AKT3: variants seen among roughly 807,000 people sequenced by gnomAD.
AKT3 encodes RAC-gamma serine/threonine-protein kinase.
A neutral mutation model predicts 65.3 loss-of-function variants in AKT3; 15 were observed. That is an observed-to-expected ratio of 0.23 (90% CI 0.15 to 0.35). AKT3 has a LOEUF of 0.35. Ranked by LOEUF, AKT3 falls within the 10% of genes least tolerant of loss-of-function variation. The pLI, the probability that AKT3 is intolerant of heterozygous loss-of-function variation, is 1.00. For synonymous variants in AKT3, 206 were observed against 183.8 expected (o/e 1.12, Z -0.98); for missense variants, 243 against 576.5 (o/e 0.42, Z 5.92).
intron 4 of AKT3, among the ~76,000 whole-genome samples, chr1:243,661,311 T>C (rs991477356): frequency 1.1e-4 from 16 of 152,106 alleles, no homozygotes; most frequent in Admixed American, 2.6e-4. Flanking sequence ...CAAACTACAC[T>C]ACAAGGCTAC....
chr1:243,762,927 T>A (rs1009054293), intron 2 of AKT3, among the ~76,000 whole-genome samples: 4 of 152,056 alleles, frequency 2.6e-5, no homozygotes, highest in Non-Finnish European at 5.9e-5. Context: ...AGCAAAAAAT[T>A]GATATTTCTA....
chr1:243,699,566 C>T (rs1685309367), intron 2 of AKT3, among the ~76,000 whole-genome samples: 1 of 143,034 alleles, frequency 7.0e-6, no homozygotes. Context: ...GGAAGCTATA[C>T]CTATGTTGAA....
At chr1:243,648,885 T>TTC (rs1246537909) in intron 4 of AKT3, among the ~76,000 whole-genome samples, 1 of 152,138 alleles carries the variant, frequency 6.6e-6, no homozygotes, top group African/African-American at 2.4e-5. Flanking sequence ...TTATTAATTA[T>TTC]TCTCTACTAT....
At position 243,550,616 on chromosome 1, in the gene AKT3, C is replaced by T. The variant is rs373010406; in HGVS notation, c.1163+2113G>A. Among the ~76,000 whole-genome samples, 10 of 151,544 alleles carry T rather than the reference C, an allele frequency of 6.6e-5. No individual in the cohort carries two copies. The East Asian group carries it at 1.4e-3, about 21-fold the overall frequency. ...ACGATGAGATAAATATTCACTGCCT[C>T]GAATACCAAGCCAAATATTAGACCA... On this transcript the variant is annotated intron_variant, in intron 11 of 13. Transcript: ENST00000673466.
intron 2 of AKT3, among the ~76,000 whole-genome samples, chr1:243,789,387 T>TA (rs1030498366): frequency 6.6e-6 from 1 of 152,134 alleles, no homozygotes; most frequent in Non-Finnish European, 1.5e-5. Flanking sequence ...ACTTTGTCTT[T>TA]AAAAAAATCT....
chr1:243,538,260 T>C (rs1251486765), intron 12 of AKT3, among the ~76,000 whole-genome samples: 2 of 152,092 alleles, frequency 1.3e-5, no homozygotes, highest in Admixed American at 6.6e-5. Flanking sequence ...GTTAAACATG[T>C]GTACTGCAAA....
intron 2 of AKT3, among the ~76,000 whole-genome samples, chr1:243,773,241 T>C (rs1690314009): frequency 6.8e-6 from 1 of 148,072 alleles, no homozygotes. Flanking sequence ...AAAAAGAAAC[T>C]GAAGAATCAT....
chr1:243,573,338 T>C (rs981626786), intron 8 of AKT3, among the ~76,000 whole-genome samples: 8 of 152,154 alleles, frequency 5.3e-5, no homozygotes, highest in African/African-American at 9.7e-5. Flanking sequence ...CATCATCAGA[T>C]TGCAGTTTCC....
At chr1:243,541,653 G>C (rs1672329362) in intron 12 of AKT3, among the ~76,000 whole-genome samples, 1 of 152,146 alleles carries the variant, frequency 6.6e-6, no homozygotes, top group African/African-American at 2.4e-5. Context: ...TAGAAACAAA[G>C]TCAGGATGCT....
rs995225250 is a variant in AKT3 at position 243,643,636 on chromosome 1, T to G, written c.429+2257A>C. Among the ~76,000 whole-genome samples the G allele has an allele frequency of 6.6e-5, 10 of 152,348 alleles. No individual in the cohort carries two copies. The South Asian group carries it at 2.1e-3, about 32-fold the overall frequency. The stretch of plus-strand genomic sequence containing the variant: ...CTTCCTTTCCAATTGAGTTTTTAAC[T>G]GGCAGAGCAGACACTGTGGCGATAA... On this transcript the variant is annotated intron_variant, in intron 5 of 13. Transcript: ENST00000673466.
chr1:243,614,970 T>G, intron 7 of AKT3, 126 bp downstream of exon 7: 1 of 718,926 alleles, frequency 1.4e-6, no homozygotes, highest in African/African-American at 1.8e-5. Flanking sequence ...GAAATTTGAC[T>G]TACGTTCTTT....
intron 4 of AKT3, among the ~76,000 whole-genome samples, chr1:243,663,964 A>C (rs1682578188): frequency 6.6e-6 from 1 of 152,072 alleles, no homozygotes; most frequent in African/African-American, 2.4e-5. Context: ...GTCACTACCC[A>C]CTTTAGTAAT....
chr1:243,768,109 TA>T (rs1689945152), intron 2 of AKT3, among the ~76,000 whole-genome samples: 1 of 150,850 alleles, frequency 6.6e-6, no homozygotes. Context: ...AATCAAAAAA[TA>T]AAAAATAAAT....
At chr1:243,746,758 T>C (rs956955712) in intron 2 of AKT3, among the ~76,000 whole-genome samples, 2 of 152,230 alleles carry the variant, frequency 1.3e-5, no homozygotes. Context: ...ATCTTTCCCT[T>C]GATAATCTCC....
chr1:243,721,489 C>T (rs1686904337), intron 2 of AKT3, among the ~76,000 whole-genome samples: 1 of 152,066 alleles, frequency 6.6e-6, no homozygotes, highest in East Asian at 1.9e-4. Flanking sequence ...CTGAAGGCTC[C>T]TGTGTCATGT....
intron 2 of AKT3, among the ~76,000 whole-genome samples, chr1:243,702,520 A>G (rs1008453493): frequency 2.6e-5 from 4 of 152,206 alleles, no homozygotes; most frequent in African/African-American, 9.6e-5. Flanking sequence ...ATTACCTGAC[A>G]TATTTCAAGT....
intron 2 of AKT3, among the ~76,000 whole-genome samples, chr1:243,815,940 A>G (rs1232953696): frequency 1.3e-5 from 2 of 152,082 alleles, no homozygotes; most frequent in Non-Finnish European, 2.9e-5. Flanking sequence ...ATCTATTGCT[A>G]TAATTACCCC....
intron 4 of AKT3, among the ~76,000 whole-genome samples, chr1:243,650,007 T>A (rs1681183785): frequency 6.6e-6 from 1 of 152,234 alleles, no homozygotes; most frequent in African/African-American, 2.4e-5. Context: ...CCACAATGGT[T>A]GAACTAATTT....
intron 6 of AKT3, among the ~76,000 whole-genome samples, chr1:243,633,461 A>C (rs1456808648): frequency 6.6e-6 from 1 of 152,206 alleles, no homozygotes; most frequent in East Asian, 1.9e-4. Context: ...TTTTGGACAC[A>C]CAATGCATAA....
Sources: allele counts gnomAD v4.1 joint callset (sites outside exome capture counted in the v4.1 genomes callset), GRCh38; gene constraint gnomAD v4.1.1; transcripts MANE v1.5; gene names NCBI Gene and HGNC (gene_info 2026-07-23, HGNC 2026-07-21).